Variants in THSD4 observed in about 807,000 individuals in gnomAD.
THSD4 encodes the protein thrombospondin type 1 domain containing 4, also known as thrombospondin type-1 domain-containing protein 4.
THSD4 carries 69 observed loss-of-function variants against 119.0 expected under a neutral mutation model. That is an observed-to-expected ratio of 0.58 (90% CI 0.48 to 0.71). The LOEUF is 0.71. Among genes scored for constraint, THSD4 ranks in the 30% least tolerant of loss-of-function variants. THSD4 has a pLI of 0.00. For missense variants in THSD4, 1,393 were observed against 1,391.1 expected (o/e 1.00, Z -0.02); for synonymous variants, 524 against 540.4 (o/e 0.97, Z 0.42).
chr15:71,625,734 C>T (rs1166212218), intron 7 of THSD4, among the ~76,000 whole-genome samples: 1 of 152,030 alleles, frequency 6.6e-6, no homozygotes, highest in Non-Finnish European at 1.5e-5. Flanking sequence ...ATTCCAAGCA[C>T]TGTGCTCAAT....
chr15:71,764,711 T>G (rs1487662782), intron 15 of THSD4, among the ~76,000 whole-genome samples: 11 of 152,234 alleles, frequency 7.2e-5, no homozygotes, highest in Admixed American at 7.2e-4. Flanking sequence ...ACCTGGCTGG[T>G]GTGTTCCTGC....
chr15:71,660,568 C>A lies in THSD4; in HGVS notation c.1191C>A (p.Val397=), dbSNP rs761869074. The change falls in exon 8 of 18, where the codon GTC becomes GTA. Residue 397 remains valine (V), a synonymous_variant. Coordinates refer to ENST00000261862, the MANE Select transcript of THSD4 (RefSeq NM_024817.3). ...GCDDYLGSDK[V]VDKCGVCGGD... The stretch of plus-strand genomic sequence containing the variant: ...ATGACTACTTAGGCTCCGACAAAGT[C>A]GTGGACAAATGTGGGGTGTGTGGAG... 15 of 1,613,976 alleles carry A rather than the reference C, an allele frequency of 9.3e-6. No individual in the cohort carries two copies. Among genetic ancestry groups the A allele is most frequent in the Non-Finnish European group, 1.7e-6 (2 of 1,180,028 alleles).
At position 71,758,076 on chromosome 15, in the gene THSD4, G is replaced by T; in HGVS notation, c.2589+1G>T. 6.4e-7 allele frequency: 1 copy of T among 1,569,246 alleles called. No homozygotes were observed. Among genetic ancestry groups the T allele is most frequent in the Non-Finnish European group, 8.7e-7 (1 of 1,156,014 alleles). ...GTGGTTTGCCGGGAGCTGGAGTCAGGTGAGTGGCCAGAACTGGGTATGTCT... is the reference window on the plus strand; with the variant it reads ...GTGGTTTGCCGGGAGCTGGAGTCAGTTGAGTGGCCAGAACTGGGTATGTCT... On this transcript the variant is annotated splice_donor_variant, in intron 15 of 17. Transcript: ENST00000261862. LOFTEE classifies it high-confidence loss of function.
intron 5 of THSD4, among the ~76,000 whole-genome samples, chr15:71,252,473 C>T (rs1382191884): frequency 6.6e-6 from 1 of 152,258 alleles, no homozygotes; most frequent in East Asian, 1.9e-4. Context: ...CACTCCGCAG[C>T]TCCCTGCTCC....
At chr15:71,742,432 C>G (rs941482166) in intron 11 of THSD4, among the ~76,000 whole-genome samples, 1 of 152,148 alleles carries the variant, frequency 6.6e-6, no homozygotes, top group African/African-American at 2.4e-5. Context: ...CCATAATGTC[C>G]CACTGACCTC....
intron 6 of THSD4, among the ~76,000 whole-genome samples, chr15:71,328,234 G>T: frequency 6.6e-6 from 1 of 152,160 alleles, no homozygotes; most frequent in Non-Finnish European, 1.5e-5. Flanking sequence ...AGCCTTCCGT[G>T]TGAATGATAG....
chr15:71,633,309 T>G (rs551265600), intron 7 of THSD4, among the ~76,000 whole-genome samples: 1 of 133,556 alleles, frequency 7.5e-6, no homozygotes, highest in East Asian at 2.2e-4. Context: ...AGGGTCTCAC[T>G]CTGTTGCCCA....
chr15:71,561,067 C>T (rs554834667), intron 7 of THSD4, among the ~76,000 whole-genome samples: 15 of 151,322 alleles, frequency 9.9e-5, no homozygotes, highest in Middle Eastern at 3.4e-3. Context: ...CTCCGCCTCC[C>T]GGGTTCACGC....
chr15:71,266,905 A>T (rs1567175608), intron 6 of THSD4, among the ~76,000 whole-genome samples: 1 of 151,988 alleles, frequency 6.6e-6, no homozygotes, highest in Non-Finnish European at 1.5e-5. Flanking sequence ...TGAAGACAAG[A>T]TTAGAGAAAA....
chr15:71,661,085 G>A (rs2051297018), intron 8 of THSD4, among the ~76,000 whole-genome samples: 1 of 152,214 alleles, frequency 6.6e-6, no homozygotes, highest in African/African-American at 2.4e-5. Flanking sequence ...TTGTTCTGTT[G>A]GGATTTGAGG....
chr15:71,537,565 T>C (rs559118989), intron 7 of THSD4, among the ~76,000 whole-genome samples: 1 of 152,240 alleles, frequency 6.6e-6, no homozygotes, highest in African/African-American at 2.4e-5. Flanking sequence ...GTAATTCTTT[T>C]CACATTGCAA....
At chr15:71,762,178 C>CACACACAGAG (rs55645600) in intron 15 of THSD4, among the ~76,000 whole-genome samples, 22 of 147,606 alleles carry the variant, frequency 1.5e-4, no homozygotes, top group African/African-American at 3.0e-4. Flanking sequence ...CACACACACA[C>CACACACAGAG]AGAGATAGAG....
intron 3 of THSD4, among the ~76,000 whole-genome samples, chr15:71,172,682 C>CATATATATATAT (rs71152331): frequency 3.7e-4 from 9 of 24,232 alleles, no homozygotes; most frequent in Non-Finnish European, 7.7e-4. Context: ...TAGACCTATA[C>CATATATATATAT]ATATATATAT....
intron 6 of THSD4, among the ~76,000 whole-genome samples, chr15:71,339,856 C>G (rs1331589158): frequency 6.6e-6 from 1 of 152,092 alleles, no homozygotes; most frequent in Non-Finnish European, 1.5e-5. Flanking sequence ...CCTCTGCCTC[C>G]TGGGTTCAAG....
At chr15:71,748,347 C>T (rs909889280) in intron 13 of THSD4, 74 bp from the exon 14 acceptor site, 65 of 1,559,954 alleles carry the variant, frequency 4.2e-5, no homozygotes, top group South Asian at 2.3e-4. Context: ...ACAAAGGCTG[C>T]GGGCTCCATA....
chr15:71,630,674 G>A (rs975714048), intron 7 of THSD4, among the ~76,000 whole-genome samples: 13 of 152,236 alleles, frequency 8.5e-5, no homozygotes, highest in South Asian at 2.1e-4. Context: ...AGGAAAGAGC[G>A]AGCTTCACAA....
intron 6 of THSD4, among the ~76,000 whole-genome samples, chr15:71,285,626 T>G (rs34913152): frequency 6.6e-6 from 1 of 151,988 alleles, no homozygotes; most frequent in Non-Finnish European, 1.5e-5. Flanking sequence ...GAGGCCAAGG[T>G]GGGTGGATCA....
At chr15:71,356,134 C>T (rs769495543) in intron 6 of THSD4, among the ~76,000 whole-genome samples, 9 of 152,184 alleles carry the variant, frequency 5.9e-5, no homozygotes, top group Admixed American at 1.3e-4. Context: ...TCCCAAAGTG[C>T]TGAGCTTACA....
At chr15:71,395,410 A>G (rs1041189407) in intron 6 of THSD4, among the ~76,000 whole-genome samples, 44 of 152,162 alleles carry the variant, frequency 2.9e-4, no homozygotes, top group African/African-American at 1.0e-3. Context: ...GACTGGGCAG[A>G]GGCACAGACA....
Sources: allele counts gnomAD v4.1 joint callset (sites outside exome capture counted in the v4.1 genomes callset), GRCh38; gene constraint gnomAD v4.1.1; transcripts MANE v1.5; gene names NCBI Gene and HGNC (gene_info 2026-07-23, HGNC 2026-07-21).